SMPD2: variants seen among roughly 807,000 people sequenced by gnomAD.
SMPD2 encodes sphingomyelin phosphodiesterase 2.
SMPD2 carries 35 observed loss-of-function variants against 41.7 expected under a neutral mutation model. The ratio of observed to expected loss-of-function variants is 0.84; its 90% CI spans 0.64 to 1.11. The LOEUF (loss-of-function observed/expected upper bound fraction) is 1.11, where lower values mean the gene tolerates loss of function less well. Ranked by LOEUF, SMPD2 falls within the 50% of genes most tolerant of loss-of-function variation. The pLI is 0.00. For synonymous variants in SMPD2, 201 were observed against 208.2 expected (o/e 0.97, Z 0.30); for missense variants, 520 against 524.8 (o/e 0.99, Z 0.09).
Position 109,443,777 on chromosome 6 carries a change from T to A in SMPD2, c.1144T>A (p.Leu382Ile). Residue 382 changes from leucine (L) to isoleucine (I), a missense_variant, in exon 10 of 10, where the codon TTA becomes ATA. Coordinates refer to ENST00000258052, the MANE Select transcript of SMPD2 (RefSeq NM_003080.3). ...CTTCCACGTACAGGAGGTCAATGGC[T>A]TATATAGGGCCCAGGCTGAGCTCCA... ...YLFHVQEVNG[L>I]YRAQAELQHV... 6.2e-7 allele frequency: 1 copy of A among 1,614,092 alleles called. No individual in the cohort carries two copies. Among genetic ancestry groups the A allele is most frequent in the Non-Finnish European group, 8.5e-7 (1 of 1,180,008 alleles).
chr6:109,443,269 A>G lies in SMPD2; in HGVS notation c.732A>G (p.Ala244=), dbSNP rs773502350. 2 of 1,614,032 alleles carry G rather than the reference A, an allele frequency of 1.2e-6. No homozygotes were observed. The highest frequency in any genetic ancestry group is 1.7e-6 in the Non-Finnish European group (2 of 1,179,956). Residue 244 remains alanine (A), a splice_region_variant and synonymous_variant, in exon 9 of 10, where the codon GCA becomes GCG. Coordinates refer to ENST00000258052, the MANE Select transcript of SMPD2 (RefSeq NM_003080.3). ...GVRIDYVLYK[A]VSGFYISCKS... Reference sequence around the variant, plus strand: ...TCTCTGGCCCTTACTTTTCCTAGGCAGTTTCTGGGTTTTACATCTCCTGTA... The same window carrying G: ...TCTCTGGCCCTTACTTTTCCTAGGCGGTTTCTGGGTTTTACATCTCCTGTA...
Position 109,441,383 on chromosome 6 carries a change from G to C in SMPD2, c.77G>C (p.Arg26Pro), listed in dbSNP as rs933300386. 4.3e-6 allele frequency: 7 copies of C among 1,614,076 alleles called. No homozygotes were observed. Among genetic ancestry groups the C allele is most frequent in the East Asian group, 2.2e-5 (1 of 44,880 alleles). ...GGCATTCCGTACTTGAGCAAGCACC[G>C]GGCCGACCGCATGAGGCGCCTGGGA... ...CWGIPYLSKH[R>P]ADRMRRLGDF... is the part of the protein sequence containing the mutation. The change falls in exon 2 of 10, where the codon CGG (arginine) becomes CCG (proline). Residue 26 changes from arginine (R) to proline (P), a missense_variant. Arg to Pro is a moderately radical substitution (Grantham distance 103). Transcript: ENST00000258052.
Position 109,441,454 on chromosome 6 carries a change from G to T in SMPD2, c.147+1G>T, listed in dbSNP as rs749607058. ...CTTCGACCTGGCTTTGCTGGAGGAG[G>T]TGAGATTGTGCAGCACGGTGCGGAA... On this transcript the variant is annotated splice_donor_variant, in intron 2 of 9. Transcript: ENST00000258052. LOFTEE classifies it high-confidence loss of function. 7 of 1,613,864 alleles carry T rather than the reference G, an allele frequency of 4.3e-6. No individual in the cohort carries two copies. The highest frequency in any genetic ancestry group is 5.9e-6 in the Non-Finnish European group (7 of 1,179,830).
intron 1 of SMPD2, 59 bp downstream of exon 1, chr6:109,441,230 T>G: frequency 6.2e-7 from 1 of 1,603,066 alleles, no homozygotes; most frequent in South Asian, 1.1e-5. Context: ...CCATGCAGCC[T>G]TCCTCCCCCT....
Position 109,443,862 on chromosome 6 carries a change from T to C in SMPD2, c.1229T>C (p.Leu410Pro), listed in dbSNP as rs1178738923. Reference protein sequence around the residue: ...QDLGPEPQPALLLGQQEGDRT... With the variant: ...QDLGPEPQPAPLLGQQEGDRT... ...CTGGGCCCAGAGCCTCAGCCAGCCC[T>C]ACTCCTGGGGCAGCAGGAGGGGGAC... Residue 410 changes from leucine (L) to proline (P), a missense_variant, in exon 10 of 10, where the codon CTA becomes CCA. Coordinates refer to ENST00000258052, the MANE Select transcript of SMPD2 (RefSeq NM_003080.3). 1 of 1,612,948 alleles carries C rather than the reference T, an allele frequency of 6.2e-7. No individual in the cohort carries two copies. The highest frequency in any genetic ancestry group is 2.2e-5 in the East Asian group (1 of 44,884).
At position 109,441,094 on chromosome 6, in the gene SMPD2, C is replaced by G. The variant is rs1774850200; in HGVS notation, c.-28C>G. ...GCGGCCGTCGCTGGAGAGTTCGAGC[C>G]GCCTAGCGCCCCTGGAGCTCCCCAA... is the stretch of plus-strand genomic sequence containing the variant. On this transcript the variant is annotated 5_prime_UTR_variant, in exon 1 of 10. Coordinates refer to ENST00000258052, the MANE Select transcript of SMPD2 (RefSeq NM_003080.3). The G allele has an allele frequency of 8.7e-6, 14 of 1,613,552 alleles. No homozygotes were observed. Among genetic ancestry groups the G allele is most frequent in the Non-Finnish European group, 9.3e-6 (11 of 1,179,650 alleles).
At position 109,443,395 on chromosome 6, in the gene SMPD2, A is replaced by T. The variant is rs1775040996; in HGVS notation, c.858A>T (p.Pro286=). ...MATLFVRHSP[P]QQNPSSTHGP... ...CTCTGTTTGTGAGGCACAGCCCCCCACAGCAGAACCCCAGCTCTACCCACG... is the reference window on the plus strand; with the variant it reads ...CTCTGTTTGTGAGGCACAGCCCCCCTCAGCAGAACCCCAGCTCTACCCACG... The change falls in exon 9 of 10, where the codon CCA becomes CCT. Residue 286 remains proline (P), a synonymous_variant. Coordinates refer to ENST00000258052, the MANE Select transcript of SMPD2 (RefSeq NM_003080.3). 9 of 1,613,758 alleles carry T rather than the reference A, an allele frequency of 5.6e-6. No homozygotes were observed. In the Admixed American group the frequency reaches 1.5e-4, roughly 27 times the overall value.
intron 6 of SMPD2, 39 bp downstream of exon 6, chr6:109,442,664 A>T: frequency 6.2e-7 from 1 of 1,614,080 alleles, no homozygotes. Flanking sequence ...GTGGGATGGG[A>T]CCCAGGGGCT....
intron 3 of SMPD2, 74 bp from the exon 4 acceptor site, chr6:109,441,900 G>T: frequency 2.2e-6 from 3 of 1,344,080 alleles, no homozygotes; most frequent in Non-Finnish European, 3.2e-6. Context: ...ATCAGAGCTG[G>T]AAGACAAGGG....
Position 109,442,232 on chromosome 6 carries a change from G to T in SMPD2, c.341G>T (p.Ser114Ile). 2.5e-6 allele frequency: 4 copies of T among 1,614,254 alleles called. No homozygotes were observed. Among genetic ancestry groups the T allele is most frequent in the Non-Finnish European group, 3.4e-6 (4 of 1,180,038 alleles). ...PYMIHHGDWF[S>I]GKAVGLLVLH... ...CAGATCCATCATGGTGACTGGTTCA[G>T]TGGGAAGGCTGTGGGGCTGCTGGTG... Residue 114 changes from serine to isoleucine, a missense_variant, in exon 5 of 10, where the codon AGT becomes ATT. Coordinates refer to ENST00000258052, the MANE Select transcript of SMPD2 (RefSeq NM_003080.3).
chr6:109,442,436 A>G, intron 5 of SMPD2, 107 bp from the exon 6 acceptor site: 1 of 1,329,312 alleles, frequency 7.5e-7, no homozygotes, highest in Non-Finnish European at 1.1e-6. Flanking sequence ...GGCAAGGCTT[A>G]TCCATTGTAT....
In SMPD2 at chr6:109,441,968, T is replaced by A; in HGVS notation, c.225-6T>A. 2 of 1,614,024 alleles carry A rather than the reference T, an allele frequency of 1.2e-6. No individual in the cohort carries two copies. Among genetic ancestry groups the A allele is most frequent in the Non-Finnish European group, 1.7e-6 (2 of 1,179,844 alleles). On this transcript the variant is annotated splice_polypyrimidine_tract_variant and splice_region_variant and intron_variant, in intron 3 of 9. Coordinates refer to ENST00000258052, the MANE Select transcript of SMPD2 (RefSeq NM_003080.3). The stretch of plus-strand genomic sequence containing the variant: ...TTCTGGTTATTAAGCAGGGCTTGGC[T>A]TTCAGCGGAATCATTGGCAGTGGCC...
At position 109,442,773 on chromosome 6, in the gene SMPD2, C is replaced by T. The variant is rs201190627; in HGVS notation, c.513C>T (p.Asp171=). 239 of 1,614,124 alleles carry T rather than the reference C, an allele frequency of 1.5e-4. No individual in the cohort carries two copies. The East Asian group carries it at 4.5e-3, about 31-fold the overall frequency. ...QFIHHTSKKA[D]VVLLCGDLNM... is the part of the protein sequence containing the mutation. Reference sequence around the variant, plus strand: ...CCAGCCACACATCCAAGAAGGCAGACGTGGTTCTGTTGTGTGGAGACCTCA... The same window carrying T: ...CCAGCCACACATCCAAGAAGGCAGATGTGGTTCTGTTGTGTGGAGACCTCA... Residue 171 remains aspartate, a synonymous_variant, in exon 7 of 10, where the codon GAC becomes GAT. Coordinates refer to ENST00000258052, the MANE Select transcript of SMPD2 (RefSeq NM_003080.3).
intron 3 of SMPD2, 101 bp downstream of exon 3, chr6:109,441,729 T>A: frequency 9.0e-7 from 1 of 1,107,546 alleles, no homozygotes; most frequent in Non-Finnish European, 1.4e-6. Flanking sequence ...TCCTCCAGCC[T>A]CCTCTCCCTC....
chr6:109,441,951 A>T (rs1288642629), intron 3 of SMPD2, 23 bp from the exon 4 acceptor site: 7 of 1,608,068 alleles, frequency 4.4e-6, no homozygotes, highest in Admixed American at 1.7e-5. Context: ...TTTTCTGGTT[A>T]TTAAGCAGGG....
chr6:109,442,710 G>A (rs1657360542), intron 6 of SMPD2, 42 bp from the exon 7 acceptor site: 1 of 1,613,190 alleles, frequency 6.2e-7, no homozygotes, highest in African/African-American at 1.3e-5. Flanking sequence ...GGGAAGAGCT[G>A]GTGATGGAAG....
In SMPD2 at chr6:109,441,169, C is replaced by T; in HGVS notation, c.48C>T (p.Cys16=). The change falls in exon 1 of 10, where the codon TGC becomes TGT. Residue 16 remains cysteine (C), a splice_region_variant and synonymous_variant. Coordinates refer to ENST00000258052, the MANE Select transcript of SMPD2 (RefSeq NM_003080.3). The part of the protein sequence containing the change: ...SLRLRIFNLN[C]WGIPYLSKHR... Reference sequence around the variant, plus strand: ...GACTGCGGATCTTCAACCTCAACTGCTGGTGAGTGCGTCTGCGGAGTGCGG... The same window carrying T: ...GACTGCGGATCTTCAACCTCAACTGTTGGTGAGTGCGTCTGCGGAGTGCGG... 6.2e-7 allele frequency: 1 copy of T among 1,614,152 alleles called. No individual in the cohort carries two copies. Among genetic ancestry groups the T allele is most frequent in the African/African-American group, 1.3e-5 (1 of 75,062 alleles).
Position 109,443,838 on chromosome 6 carries a change from TG to T in SMPD2, c.1208del (p.Gly403AlafsTer?). On this transcript the variant is annotated frameshift_variant, in exon 10 of 10. Transcript: ENST00000258052. LOFTEE classifies it low-confidence loss of function (END_TRUNC). ...GGAAGGGCAAGGGAGGCCCAGGATC[TG>T]GGCCCAGAGCCTCAGCCAGCCCTAC... ...VLGRAREAQD[L>X]GPEPQPALLL... 1 of 1,613,822 alleles carries T rather than the reference TG, an allele frequency of 6.2e-7. No individual in the cohort carries two copies. The highest frequency in any genetic ancestry group is 8.5e-7 in the Non-Finnish European group (1 of 1,179,970).
At position 109,441,424 on chromosome 6, in the gene SMPD2, G is replaced by C. The variant is rs753006021; in HGVS notation, c.118G>C (p.Glu40Gln). ...GCGCCTGGGAGACTTTCTGAACCAG[G>C]AGAGCTTCGACCTGGCTTTGCTGGA... ...MRRLGDFLNQ[E>Q]SFDLALLEEV... is the part of the protein sequence containing the mutation. The change falls in exon 2 of 10, where the codon GAG (glutamate) becomes CAG (glutamine). Residue 40 changes from glutamate (E) to glutamine (Q), a missense_variant. By Grantham distance (29) the Glu-to-Gln change is conservative. Transcript: ENST00000258052. 1.2e-6 allele frequency: 2 copies of C among 1,614,220 alleles called. No homozygotes were observed. The highest frequency in any genetic ancestry group is 2.2e-5 in the South Asian group (2 of 91,090).
Sources: allele counts gnomAD v4.1 joint callset, GRCh38; gene constraint gnomAD v4.1.1; transcripts MANE v1.5; gene names NCBI Gene and HGNC (gene_info 2026-07-23, HGNC 2026-07-21).